Variants in KLF12 observed in about 807,000 individuals in gnomAD.
KLF12 encodes KLF transcription factor 12.
Under a neutral mutation model 37.8 loss-of-function variants are expected in KLF12, and 9 were observed. The ratio of observed to expected loss-of-function variants is 0.24; its 90% CI spans 0.14 to 0.42. The LOEUF is 0.42. Among genes scored for constraint, KLF12 ranks in the 10% least tolerant of loss-of-function variants. The pLI, the probability that KLF12 is intolerant of heterozygous loss-of-function variation, is 1.00. For synonymous variants in KLF12, 208 were observed against 202.1 expected, an observed-to-expected ratio of 1.03 and a Z score of -0.25; for missense variants, 411 against 516.0, an observed-to-expected ratio of 0.80 and a Z score of 1.97.
At chr13:73,895,536 G>C (rs1440062985) in intron 3 of KLF12, among the ~76,000 whole-genome samples, 1 of 152,138 alleles carries the variant, frequency 6.6e-6, no homozygotes, top group Admixed American at 6.6e-5. Flanking sequence ...GCCAGTCCTC[G>C]TATCTTTATA....
the KLF12 span, among the ~76,000 whole-genome samples, chr13:74,198,935 A>G: frequency 1.3e-5 from 2 of 152,192 alleles, no homozygotes; most frequent in African/African-American, 4.8e-5. Context: ...ACTACAGCAG[A>G]GTGATCCCGC....
chr13:74,112,627 C>G (rs1877049233), intron 1 of KLF12, among the ~76,000 whole-genome samples: 1 of 152,106 alleles, frequency 6.6e-6, no homozygotes, highest in African/African-American at 2.4e-5. Flanking sequence ...AAACCCTGAC[C>G]TTCTAAGACA....
chr13:74,141,682 G>C, the KLF12 span, among the ~76,000 whole-genome samples: 1 of 151,552 alleles, frequency 6.6e-6, no homozygotes, highest in African/African-American at 2.4e-5. Flanking sequence ...ATAGTAGGAA[G>C]AAAAAAAAGG....
the KLF12 span, among the ~76,000 whole-genome samples, chr13:74,296,139 CTT>C: frequency 5.3e-4 from 77 of 145,434 alleles, no homozygotes; most frequent in African/African-American, 1.1e-3. Flanking sequence ...TTTTGTAGCA[CTT>C]TTTTTTTTTT....
intron 1 of KLF12, among the ~76,000 whole-genome samples, chr13:74,000,007 C>T (rs1892231063): frequency 1.3e-5 from 2 of 152,134 alleles, no homozygotes; most frequent in African/African-American, 2.4e-5. Context: ...AAGTTGTTTC[C>T]ATTTTACATG....
At chr13:74,078,548 T>C (rs1874700120) in intron 1 of KLF12, among the ~76,000 whole-genome samples, 1 of 152,342 alleles carries the variant, frequency 6.6e-6, no homozygotes, top group Middle Eastern at 3.4e-3. Flanking sequence ...TTACTTGTTA[T>C]ATTAAATTTC....
At chr13:73,871,858 A>C (rs1886485116) in intron 3 of KLF12, among the ~76,000 whole-genome samples, 1 of 131,046 alleles carries the variant, frequency 7.6e-6, no homozygotes, top group African/African-American at 2.6e-5. Context: ...GCCTGCAGAT[A>C]TCTCTCTTAT....
chr13:74,004,068 TTTTAA>T (rs1892351660), intron 1 of KLF12, among the ~76,000 whole-genome samples: 2 of 152,148 alleles, frequency 1.3e-5, no homozygotes, highest in Non-Finnish European at 2.9e-5. Flanking sequence ...TATTTTTATA[TTTTAA>T]TTTAAATATA....
At chr13:73,904,469 C>CTTTTTTTTTTTTTTTTTTTTT (rs11342071) in intron 3 of KLF12, among the ~76,000 whole-genome samples, 2 of 92,028 alleles carry the variant, frequency 2.2e-5, no homozygotes, top group Non-Finnish European at 4.1e-5. Context: ...TCTTTCTTTC[C>CTTTTTTTTTTTTTTTTTTTTT]TTTTTTTTTT....
At chr13:74,284,773 A>G in the KLF12 span, among the ~76,000 whole-genome samples, 51 of 152,228 alleles carry the variant, frequency 3.4e-4, no homozygotes, top group East Asian at 1.9e-4. Flanking sequence ...ATTTCTGTGC[A>G]TGTTCTCAGC....
chr13:73,972,134 AAAC>A (rs1324579451), intron 2 of KLF12, among the ~76,000 whole-genome samples: 5 of 152,362 alleles, frequency 3.3e-5, no homozygotes, highest in East Asian at 3.9e-4. Context: ...AGGGAGGAAA[AAAC>A]ATAATATACA....
the KLF12 span, among the ~76,000 whole-genome samples, chr13:74,175,430 A>G: frequency 6.6e-6 from 1 of 152,194 alleles, no homozygotes; most frequent in Non-Finnish European, 1.5e-5. Context: ...TACAATCCAT[A>G]TCAGTTCATT....
At chr13:74,143,137 AT>A in the KLF12 span, among the ~76,000 whole-genome samples, 1 of 142,074 alleles carries the variant, frequency 7.0e-6, no homozygotes, top group African/African-American at 2.6e-5. Context: ...TCCTCGTCCT[AT>A]TCCGTCTTCT....
chr13:74,270,877 C>A, the KLF12 span, among the ~76,000 whole-genome samples: 15 of 152,130 alleles, frequency 9.9e-5, no homozygotes, highest in African/African-American at 3.1e-4. Context: ...GCTTTCCCAT[C>A]AATTCTGTGA....
At chr13:74,227,307 T>A in the KLF12 span, among the ~76,000 whole-genome samples, 329 of 152,262 alleles carry the variant, frequency 2.2e-3, 1 homozygote, top group African/African-American at 7.2e-3. Flanking sequence ...TGTCACAGGA[T>A]TAAACCACAT....
At chr13:74,143,051 TTTCC>T in the KLF12 span, among the ~76,000 whole-genome samples, 1 of 147,032 alleles carries the variant, frequency 6.8e-6, no homozygotes. Flanking sequence ...TCCCTCCTTC[TTTCC>T]TTCCTTCCTT....
At chr13:74,304,800 T>C in the KLF12 span, among the ~76,000 whole-genome samples, 84,786 of 151,806 alleles carry the variant, frequency 0.56, 28,514 homozygotes, top group East Asian at 0.82. Flanking sequence ...AGTTAGAGAG[T>C]TGTGAAGTTT....
chr13:73,838,383 T>C (rs1884554682), intron 4 of KLF12, among the ~76,000 whole-genome samples: 1 of 152,172 alleles, frequency 6.6e-6, no homozygotes, highest in South Asian at 2.1e-4. Context: ...TGGAGGATTC[T>C]TCACCGTGTG....
intron 6 of KLF12, among the ~76,000 whole-genome samples, chr13:73,726,934 C>T (rs1462140019): frequency 2.0e-5 from 3 of 152,204 alleles, no homozygotes; most frequent in Non-Finnish European, 4.4e-5. Context: ...AATTTTTCCA[C>T]ATCCTCACCA....
Sources: allele counts gnomAD v4.1 joint callset (sites outside exome capture counted in the v4.1 genomes callset), GRCh38; gene constraint gnomAD v4.1.1; transcripts MANE v1.5; gene names NCBI Gene and HGNC (gene_info 2026-07-23, HGNC 2026-07-21).